TENM2: variants seen among roughly 807,000 people sequenced by gnomAD.
The protein encoded by TENM2 is teneurin transmembrane protein 2, also known as teneurin-2.
In TENM2, 52 loss-of-function variants were observed where a neutral mutation model predicts 245.2. The observed-to-expected ratio is 0.21, with a 90% CI of 0.17 to 0.27. The LOEUF (loss-of-function observed/expected upper bound fraction) is 0.27, where lower values mean the gene tolerates loss of function less well. Ranked by LOEUF, TENM2 falls within the 10% of genes least tolerant of loss-of-function variation. The probability of loss-of-function intolerance (pLI) is 1.00; values close to 1 mark genes in which losing one functional copy is unlikely to be tolerated. For synonymous variants in TENM2, 1,363 were observed against 1,438.9 expected (o/e 0.95, Z 1.19); for missense variants, 3,046 against 3,666.8 (o/e 0.83, Z 4.37).
intron 4 of TENM2, among the ~76,000 whole-genome samples, chr5:167,953,107 G>C (rs551246784): frequency 6.6e-6 from 1 of 152,224 alleles, no homozygotes; most frequent in South Asian, 2.1e-4. Flanking sequence ...TTACTCGAAG[G>C]CTCATGGGAA....
intron 2 of TENM2, among the ~76,000 whole-genome samples, chr5:167,439,879 G>A (rs75998988): frequency 0.014 from 2,151 of 152,056 alleles, 41 homozygotes; most frequent in African/African-American, 0.047. Context: ...AATCACTACC[G>A]TGGCCACATT....
At chr5:167,132,611 C>T in the TENM2 span, among the ~76,000 whole-genome samples, 1 of 152,120 alleles carries the variant, frequency 6.6e-6, no homozygotes, top group East Asian at 1.9e-4. Flanking sequence ...TCCCCAATCC[C>T]CTGCATTTGG....
chr5:167,414,859 G>T (rs915268695), intron 2 of TENM2, among the ~76,000 whole-genome samples: 2 of 152,068 alleles, frequency 1.3e-5, no homozygotes, highest in African/African-American at 4.8e-5. Flanking sequence ...TATCCTTTCT[G>T]TTGGTGGAAA....
chr5:168,197,966 C>T (rs528014482), intron 15 of TENM2, among the ~76,000 whole-genome samples: 3 of 152,194 alleles, frequency 2.0e-5, no homozygotes, highest in Admixed American at 6.5e-5. Context: ...AACGTAGTAT[C>T]GTTATAATTA....
intron 2 of TENM2, among the ~76,000 whole-genome samples, chr5:167,867,921 T>C (rs1018829218): frequency 6.6e-6 from 1 of 152,174 alleles, no homozygotes; most frequent in Admixed American, 6.5e-5. Flanking sequence ...AATTCCCCAA[T>C]GGTAGGTTAA....
At chr5:167,889,956 A>T (rs1246110494) in intron 3 of TENM2, among the ~76,000 whole-genome samples, 2 of 152,184 alleles carry the variant, frequency 1.3e-5, no homozygotes, top group African/African-American at 4.8e-5. Flanking sequence ...ATTGATCTCA[A>T]ATTGCTGAAA....
chr5:167,853,261 G>A (rs1278662280), intron 2 of TENM2, among the ~76,000 whole-genome samples: 3 of 101,412 alleles, frequency 3.0e-5, no homozygotes, highest in South Asian at 3.2e-4. Flanking sequence ...CTGCACTCCA[G>A]CCTGGGAGAC....
At chr5:167,761,503 GA>G (rs202088422) in intron 2 of TENM2, among the ~76,000 whole-genome samples, 106 of 147,780 alleles carry the variant, frequency 7.2e-4, no homozygotes, top group Middle Eastern at 3.5e-3. Context: ...ACTGCTATTA[GA>G]AAAAAAAAAT....
intron 6 of TENM2, among the ~76,000 whole-genome samples, chr5:168,060,305 T>A (rs576210123): frequency 2.6e-5 from 4 of 151,796 alleles, no homozygotes; most frequent in Non-Finnish European, 4.4e-5. Flanking sequence ...CCCAGCTAAT[T>A]TGGGGGGCTG....
At chr5:167,536,691 C>T (rs1329270722) in intron 2 of TENM2, among the ~76,000 whole-genome samples, 7 of 152,034 alleles carry the variant, frequency 4.6e-5, no homozygotes, top group South Asian at 4.2e-4. Flanking sequence ...CTCAGACTTA[C>T]GGTTGATGAG....
intron 2 of TENM2, among the ~76,000 whole-genome samples, chr5:167,678,454 A>G (rs1038166839): frequency 6.6e-6 from 1 of 152,150 alleles, no homozygotes; most frequent in African/African-American, 2.4e-5. Context: ...GCTAATAAGC[A>G]GATTCTGTGC....
chr5:167,987,873 C>A (rs544289703), intron 4 of TENM2, among the ~76,000 whole-genome samples: 1 of 152,132 alleles, frequency 6.6e-6, no homozygotes, highest in African/African-American at 2.4e-5. Flanking sequence ...ATTAGTGACA[C>A]CAGGGTGTAA....
At chr5:167,357,013 C>A (rs1013356781) in intron 1 of TENM2, among the ~76,000 whole-genome samples, 3 of 152,084 alleles carry the variant, frequency 2.0e-5, no homozygotes, top group African/African-American at 7.2e-5. Flanking sequence ...TAATACTGAG[C>A]CTATTGTGTC....
the TENM2 span, among the ~76,000 whole-genome samples, chr5:167,027,378 T>C: frequency 3.5e-3 from 534 of 152,296 alleles, 2 homozygotes; most frequent in East Asian, 0.031. Flanking sequence ...CAGCTAGATA[T>C]TGAGGAAGTT....
At chr5:168,082,966 A>G (rs757875784) in intron 7 of TENM2, among the ~76,000 whole-genome samples, 3 of 151,824 alleles carry the variant, frequency 2.0e-5, no homozygotes, top group South Asian at 4.2e-4. Flanking sequence ...GAGAAGCACT[A>G]CTCTCTTCAT....
chr5:168,233,508 A>C (rs527256756), intron 25 of TENM2, among the ~76,000 whole-genome samples: 1 of 152,296 alleles, frequency 6.6e-6, no homozygotes, highest in East Asian at 1.9e-4. Flanking sequence ...CTCCCCCACC[A>C]CAGTGGGTAT....
chr5:167,642,980 C>T (rs908673547), intron 2 of TENM2, among the ~76,000 whole-genome samples: 110 of 152,264 alleles, frequency 7.2e-4, no homozygotes, highest in African/African-American at 2.4e-3. Context: ...ATGTTCCCAC[C>T]GCTCACTGCA....
chr5:167,430,852 G>T (rs1270478171), intron 2 of TENM2, among the ~76,000 whole-genome samples: 1 of 152,114 alleles, frequency 6.6e-6, no homozygotes, highest in African/African-American at 2.4e-5. Context: ...ACAATACCTA[G>T]CAGATAATTT....
rs1007631783 is a variant in TENM2, at chr5:167,493,542, G to A, written c.502+118069G>A. 1.1e-4 allele frequency among the ~76,000 whole-genome samples: 16 copies of A among 152,182 alleles called. No individual in the cohort carries two copies. In the South Asian group the frequency reaches 3.3e-3, roughly 32 times the overall value. On this transcript the variant is annotated intron_variant, in intron 2 of 28. Coordinates refer to ENST00000518659, the Ensembl canonical transcript of TENM2. ...TAAAACATAGAATTGAATAACCATA[G>A]CCCCATTATTGGCATCAAGTAAGCA...
Sources: gnomAD v4.1 joint callset for allele counts (sites outside exome capture counted in the v4.1 genomes callset) on GRCh38, gnomAD v4.1.1 for gene constraint, MANE v1.5 for transcripts, NCBI Gene and HGNC (gene_info 2026-07-23, HGNC 2026-07-21) for gene names.